NAA35: variants seen among roughly 807,000 people sequenced by gnomAD.
The protein encoded by NAA35 is MAK10 homolog, amino-acid N-acetyltransferase subunit.
In NAA35, 18 loss-of-function variants were observed where a neutral mutation model predicts 101.7. The observed-to-expected ratio is 0.18, with a 90% CI of 0.12 to 0.26. The LOEUF (loss-of-function observed/expected upper bound fraction) is 0.26, where lower values mean the gene tolerates loss of function less well. NAA35 is among the 10% of genes least tolerant of loss of function. The probability of loss-of-function intolerance (pLI) is 1.00; values close to 1 mark genes in which losing one functional copy is unlikely to be tolerated. For synonymous variants in NAA35, 267 were observed against 273.1 expected (o/e 0.98, Z 0.22); for missense variants, 601 against 886.8 (o/e 0.68, Z 4.09).
At chr9:85,941,945 G>T (rs1266778216) in intron 1 of NAA35, 2 of 1,244,650 alleles carry the variant, frequency 1.6e-6, no homozygotes, top group African/African-American at 3.1e-5. Flanking sequence ...GGTAGGTGGT[G>T]GGCTAATAGT....
intron 11 of NAA35, among the ~76,000 whole-genome samples, chr9:85,984,940 T>C (rs955060749): frequency 6.6e-6 from 1 of 152,126 alleles, no homozygotes; most frequent in African/African-American, 2.4e-5. Context: ...AACATAGGCA[T>C]TAATCTTACA....
chr9:85,975,038 A>C lies in NAA35; in HGVS notation c.583+5A>C. On this transcript the variant is annotated splice_donor_5th_base_variant and intron_variant, in intron 7 of 22. Transcript: ENST00000361671. ...TGACAGATCTTCGAGTTACAGGTAA[A>C]ATTATTTTTAAAGTTAATTCACAAG... 2 of 1,612,658 alleles carry C rather than the reference A, an allele frequency of 1.2e-6. No homozygotes were observed. The highest frequency in any genetic ancestry group is 1.7e-6 in the Non-Finnish European group (2 of 1,179,070).
rs1339509813 is a variant in NAA35, at chr9:85,989,045, A to G, written c.878-7354A>G. 5.3e-4 allele frequency among the ~76,000 whole-genome samples: 80 copies of G among 152,252 alleles called. 1 individual carries two copies. Among genetic ancestry groups the G allele is most frequent in the Non-Finnish European group, 4.4e-5 (3 of 68,042 alleles). On this transcript the variant is annotated intron_variant, in intron 11 of 22. Coordinates refer to ENST00000361671, the MANE Select transcript of NAA35 (RefSeq NM_024635.4). ...GTATAATGTGTTCCAGGATAAATTGATAAAGAATTATTAATAGTAAAATAG... is the reference window on the plus strand; with the variant it reads ...GTATAATGTGTTCCAGGATAAATTGGTAAAGAATTATTAATAGTAAAATAG...
intron 5 of NAA35, 113 bp downstream of exon 5, chr9:85,959,980 C>T (rs1829441276): frequency 1.5e-6 from 1 of 682,792 alleles, no homozygotes; most frequent in Admixed American, 2.8e-5. Flanking sequence ...AATACTTGCC[C>T]TAGTAAAGAT....
chr9:86,010,789 G>C (rs977167755), intron 15 of NAA35, among the ~76,000 whole-genome samples: 44 of 150,352 alleles, frequency 2.9e-4, no homozygotes, highest in African/African-American at 1.0e-3. Context: ...GTGTTAGCTA[G>C]GATGGTCTCG....
chr9:85,975,870 T>C (rs1830188724), intron 8 of NAA35, among the ~76,000 whole-genome samples: 1 of 152,154 alleles, frequency 6.6e-6, no homozygotes, highest in African/African-American at 2.4e-5. Context: ...GTGAGCTCAG[T>C]AAGTGGTGAT....
chr9:86,017,547 G>A lies in NAA35; in HGVS notation c.1755G>A (p.Met585Ile). ...EITMSQAYQNMCAGMFKTMVA... is the reference protein window; with the variant it reads ...EITMSQAYQNICAGMFKTMVA... Reference sequence around the variant, plus strand: ...CAATGAGCCAAGCATATCAGAACATGTGTGCTGGAATGTTTAAAGTAAGTT... The same window carrying A: ...CAATGAGCCAAGCATATCAGAACATATGTGCTGGAATGTTTAAAGTAAGTT... Residue 585 changes from methionine to isoleucine, a missense_variant, in exon 19 of 23, where the codon ATG becomes ATA. By Grantham distance (10) the Met-to-Ile change is conservative. This residue lies in a region of NAA35 where 99 missense variants were observed against 206.7 expected (regional missense o/e 0.48). Transcript: ENST00000361671. 6.2e-7 allele frequency: 1 copy of A among 1,613,676 alleles called. No individual in the cohort carries two copies. Among genetic ancestry groups the A allele is most frequent in the Non-Finnish European group, 8.5e-7 (1 of 1,179,750 alleles).
Position 85,988,710 on chromosome 9 carries a change from C to T in NAA35, c.878-7689C>T, listed in dbSNP as rs368732182. ...ACTCAGGAGGCTGAGTCAGGAGAAT[C>T]GCTTGAACCTGGGAGGCGGAGGTTG... On this transcript the variant is annotated intron_variant, in intron 11 of 22. Transcript: ENST00000361671. 1.3e-3 allele frequency among the ~76,000 whole-genome samples: 193 copies of T among 151,800 alleles called. 4 individuals are homozygous for T. In the South Asian group the frequency reaches 0.034, roughly 27 times the overall value.
At chr9:85,973,609 A>T (rs1830086315) in intron 6 of NAA35, among the ~76,000 whole-genome samples, 1 of 152,204 alleles carries the variant, frequency 6.6e-6, no homozygotes, top group Admixed American at 6.5e-5. Flanking sequence ...TAGTAGTGCC[A>T]TTTAGTGGTA....
intron 12 of NAA35, among the ~76,000 whole-genome samples, chr9:85,999,244 T>A (rs1392913755): frequency 6.6e-6 from 1 of 152,218 alleles, no homozygotes; most frequent in African/African-American, 2.4e-5. Context: ...TAGATGACTA[T>A]AGTAGCATAT....
rs1414173687 is a variant in NAA35 at position 86,013,567 on chromosome 9, A to T, written c.1390-152A>T. The stretch of plus-strand genomic sequence containing the variant: ...TTGTGAAATGAGAACTTCAAATGTA[A>T]ACCTAACTAAAAATGCATTTAAAAA... On this transcript the variant is annotated intron_variant, in intron 16 of 22. Coordinates refer to ENST00000361671, the MANE Select transcript of NAA35 (RefSeq NM_024635.4). The T allele has an allele frequency of 8.8e-6, 6 of 678,642 alleles. No homozygotes were observed. The Admixed American group carries it at 9.0e-5, about 10-fold the overall frequency. The allele number at this position is 678,642 out of a possible 1,614,324, so 42.0% of individuals were successfully genotyped here. A position where few individuals can be genotyped will look rare whatever the true frequency, so the allele number is the denominator to read the frequency against.
chr9:85,953,472 G>A (rs567264453), intron 2 of NAA35, among the ~76,000 whole-genome samples: 2 of 152,232 alleles, frequency 1.3e-5, no homozygotes, highest in South Asian at 4.2e-4. Context: ...TGTTGGCCAG[G>A]ATGGAGTGCA....
Position 85,987,586 on chromosome 9 carries a change from A to G in NAA35, c.878-8813A>G, listed in dbSNP as rs575768165. ...TAAAAAAGTCCGTGCATACCCACAC[A>G]TGTGTGCTTGTGTGTATCTAATCTA... On this transcript the variant is annotated intron_variant, in intron 11 of 22. Transcript: ENST00000361671. 3.3e-5 allele frequency among the ~76,000 whole-genome samples: 5 copies of G among 152,006 alleles called. No individual in the cohort carries two copies. In the South Asian group the frequency reaches 1.0e-3, roughly 32 times the overall value.
At chr9:86,009,718 TAATC>T (rs1831814400) in intron 14 of NAA35, 143 bp from the exon 15 acceptor site, 1 of 596,082 alleles carries the variant, frequency 1.7e-6, no homozygotes, top group Non-Finnish European at 3.0e-6. Context: ...AAATATTTCT[TAATC>T]TAATACTGAA....
chr9:85,998,005 C>T (rs1292390263), intron 12 of NAA35, among the ~76,000 whole-genome samples: 1 of 152,084 alleles, frequency 6.6e-6, no homozygotes, highest in Non-Finnish European at 1.5e-5. Flanking sequence ...AGCTCCACCT[C>T]CCAGGTTCAC....
intron 11 of NAA35, among the ~76,000 whole-genome samples, chr9:85,982,688 C>A (rs1369462893): frequency 6.6e-6 from 1 of 152,136 alleles, no homozygotes; most frequent in East Asian, 1.9e-4. Flanking sequence ...GACTTGTCAT[C>A]TTTTAAAAAT....
chr9:85,959,992 T>G lies in NAA35; in HGVS notation c.348+125T>G, dbSNP rs1221299569. On this transcript the variant is annotated intron_variant, in intron 5 of 22. Transcript: ENST00000361671. The stretch of plus-strand genomic sequence containing the variant: ...TGTAATACTTGCCCTAGTAAAGATG[T>G]GCATAAGATTAACAGGCCTAGTAAT... 5.0e-6 allele frequency: 3 copies of G among 604,362 alleles called. No individual in the cohort carries two copies. In the South Asian group the frequency reaches 8.3e-5, roughly 17 times the overall value. The allele number at this position is 604,362 out of a possible 1,614,324, so 37.4% of individuals were successfully genotyped here. A position where few individuals can be genotyped will look rare whatever the true frequency, so the allele number is the denominator to read the frequency against.
intron 13 of NAA35, among the ~76,000 whole-genome samples, chr9:86,006,974 A>G (rs778851546): frequency 1.3e-5 from 2 of 152,204 alleles, no homozygotes; most frequent in Non-Finnish European, 2.9e-5. Context: ...AAATATTTGT[A>G]TATGTTACAA....
chr9:85,976,803 A>G lies in NAA35; in HGVS notation c.678+68A>G, dbSNP rs1830229448. On this transcript the variant is annotated intron_variant, in intron 9 of 22. Coordinates refer to ENST00000361671, the MANE Select transcript of NAA35 (RefSeq NM_024635.4). ...ACCTGTTAATGTTGTAGTTTTATGA[A>G]CTGCGTTATAATTTATGGAAGCCCT... is the stretch of plus-strand genomic sequence containing the variant. 3 of 1,210,718 alleles carry G rather than the reference A, an allele frequency of 2.5e-6. No individual in the cohort carries two copies. In the East Asian group the frequency reaches 7.4e-5, roughly 30 times the overall value. 75.0% of individuals were successfully genotyped at this position (1,210,718 alleles called of 1,614,324 possible).
Sources: allele counts gnomAD v4.1 joint callset (sites outside exome capture counted in the v4.1 genomes callset), GRCh38; gene constraint gnomAD v4.1.1; regional missense constraint gnomAD v4.1.1; transcripts MANE v1.5; gene names NCBI Gene and HGNC (gene_info 2026-07-23, HGNC 2026-07-21).